AUTS2: variants seen among roughly 807,000 people sequenced by gnomAD.
AUTS2 encodes the protein autism susceptibility gene 2 protein.
In AUTS2, 17 loss-of-function variants were observed where a neutral mutation model predicts 112.4. The ratio of observed to expected loss-of-function variants is 0.15; its 90% CI spans 0.10 to 0.23. The LOEUF is 0.23. Ranked by LOEUF, AUTS2 falls within the 10% of genes least tolerant of loss-of-function variation. AUTS2 has a pLI of 1.00. For missense variants in AUTS2, 1,510 were observed against 1,701.6 expected (o/e 0.89, Z 1.98); for synonymous variants, 751 against 702.7 (o/e 1.07, Z -1.09).
intron 1 of AUTS2, among the ~76,000 whole-genome samples, chr7:69,750,021 A>G (rs1446892685): frequency 1.3e-5 from 2 of 152,222 alleles, no homozygotes; most frequent in Non-Finnish European, 2.9e-5. Flanking sequence ...GGAAAAGTTT[A>G]CAAGGAATCT....
At chr7:69,830,763 G>C (rs974287793) in intron 1 of AUTS2, among the ~76,000 whole-genome samples, 1 of 152,150 alleles carries the variant, frequency 6.6e-6, no homozygotes, top group Non-Finnish European at 1.5e-5. Context: ...CACTTAAATC[G>C]TTTTCTTTGG....
At position 70,790,097 on chromosome 7, in the gene AUTS2, G is replaced by A; in HGVS notation, c.2881G>A (p.Glu961Lys). 1.9e-6 allele frequency: 3 copies of A among 1,587,142 alleles called. No homozygotes were observed. Among genetic ancestry groups the A allele is most frequent in the South Asian group, 1.1e-5 (1 of 87,976 alleles). ...SARPNSTSSR[E>K]AEPRKGEPAY... ...CAGGCCCAACAGCACCTCGAGCCGGGAGGCCGAGCCGCGCAAGGGTGAGCC... is the reference window on the plus strand; with the variant it reads ...CAGGCCCAACAGCACCTCGAGCCGGAAGGCCGAGCCGCGCAAGGGTGAGCC... Residue 961 changes from glutamate to lysine, a missense_variant, in exon 19 of 19, where the codon GAG becomes AAG. Coordinates refer to ENST00000342771, the MANE Select transcript of AUTS2 (RefSeq NM_015570.4). This position sits in a 1 kb window ranked among gnomAD's most constrained non-coding sequence, Gnocchi z 7.6.
At chr7:70,513,665 C>T (rs1799296768) in intron 5 of AUTS2, among the ~76,000 whole-genome samples, 1 of 148,800 alleles carries the variant, frequency 6.7e-6, no homozygotes, top group African/African-American at 2.5e-5. Flanking sequence ...TTTTCTGTTT[C>T]CTTTTTTTTT....
At chr7:70,262,696 A>G (rs1242705474) in intron 4 of AUTS2, among the ~76,000 whole-genome samples, 1 of 152,226 alleles carries the variant, frequency 6.6e-6, no homozygotes, top group Non-Finnish European at 1.5e-5. Flanking sequence ...CATTGCCAAA[A>G]AATGTAAAAA....
chr7:69,787,035 G>A (rs943268571), intron 1 of AUTS2, among the ~76,000 whole-genome samples: 2 of 152,176 alleles, frequency 1.3e-5, no homozygotes, highest in Non-Finnish European at 2.9e-5. Flanking sequence ...GGTTAAGGAC[G>A]TTGCCTACTA....
chr7:70,717,756 C>T (rs1398515635), intron 6 of AUTS2, among the ~76,000 whole-genome samples: 1 of 152,198 alleles, frequency 6.6e-6, no homozygotes, highest in African/African-American at 2.4e-5. Context: ...TGCCAGTCAG[C>T]CTCAGGGGCG....
At chr7:70,514,614 G>A (rs1015748440) in intron 5 of AUTS2, among the ~76,000 whole-genome samples, 7 of 152,320 alleles carry the variant, frequency 4.6e-5, no homozygotes, top group South Asian at 2.1e-4. Flanking sequence ...ACTAGGCCCC[G>A]CCTCCAACAC....
In AUTS2 at chr7:70,099,897, C is replaced by T. The variant is rs187453441; in HGVS notation, c.523-18235C>T. Among the ~76,000 whole-genome samples the T allele has an allele frequency of 8.6e-3, 1,315 of 152,150 alleles. 11 individuals are homozygous for T. The highest frequency in any genetic ancestry group is 0.02 in the Middle Eastern group (6 of 294). ...TACAGTATTTACTCTTCAGTTTTTA[C>T]ATATATATCCATACCTCTGATTTGT... On this transcript the variant is annotated intron_variant, in intron 2 of 18. Coordinates refer to ENST00000342771, the MANE Select transcript of AUTS2 (RefSeq NM_015570.4).
intron 1 of AUTS2, among the ~76,000 whole-genome samples, chr7:69,697,336 C>G (rs1797602694): frequency 6.6e-6 from 1 of 152,214 alleles, no homozygotes; most frequent in Non-Finnish European, 1.5e-5. Flanking sequence ...TAGACATCCA[C>G]CAAATATTTA....
At chr7:70,788,021 G>A (rs1285160642) in intron 18 of AUTS2, among the ~76,000 whole-genome samples, 3 of 151,972 alleles carry the variant, frequency 2.0e-5, no homozygotes, top group East Asian at 1.9e-4. Context: ...TTTGTTAACC[G>A]TTGTCTCTGC....
intron 1 of AUTS2, among the ~76,000 whole-genome samples, chr7:69,607,149 T>G (rs1227610410): frequency 3.3e-5 from 5 of 152,234 alleles, no homozygotes; most frequent in African/African-American, 4.8e-5. Context: ...TACAGGCTTC[T>G]GTGTCTTAGT....
chr7:70,452,840 C>T (rs1249412266), intron 5 of AUTS2, among the ~76,000 whole-genome samples: 2 of 152,150 alleles, frequency 1.3e-5, no homozygotes, highest in African/African-American at 4.8e-5. Context: ...ACAGCAAAGA[C>T]AGCCTTTATA....
chr7:70,621,600 G>A (rs912365477), intron 5 of AUTS2, among the ~76,000 whole-genome samples: 1 of 152,138 alleles, frequency 6.6e-6, no homozygotes, highest in Non-Finnish European at 1.5e-5. Flanking sequence ...TGGGAGGGTA[G>A]GAGGTAAGGA....
chr7:70,347,752 G>C (rs1210057781), intron 4 of AUTS2, among the ~76,000 whole-genome samples: 1 of 152,114 alleles, frequency 6.6e-6, no homozygotes, highest in Non-Finnish European at 1.5e-5. Context: ...GCAGGGCTTT[G>C]CACAGTCCCC....
chr7:70,241,128 C>T (rs1429121313), intron 4 of AUTS2, among the ~76,000 whole-genome samples: 6 of 152,140 alleles, frequency 3.9e-5, no homozygotes, highest in Non-Finnish European at 7.3e-5. Flanking sequence ...GATTCATGGT[C>T]CTGCCTGAAA....
intron 5 of AUTS2, among the ~76,000 whole-genome samples, chr7:70,689,812 A>C (rs893737082): frequency 3.4e-5 from 5 of 148,482 alleles, no homozygotes; most frequent in Admixed American, 6.7e-5. Context: ...GTCGTTCCCT[A>C]GTAGAGATGG....
intron 4 of AUTS2, among the ~76,000 whole-genome samples, chr7:70,198,570 C>A (rs1321470903): frequency 3.3e-5 from 4 of 121,274 alleles, no homozygotes; most frequent in African/African-American, 1.3e-4. Flanking sequence ...CCGATGCGAT[C>A]AACTGGAAGA....
intron 5 of AUTS2, among the ~76,000 whole-genome samples, chr7:70,623,108 G>C (rs914658803): frequency 1.3e-5 from 2 of 152,166 alleles, no homozygotes; most frequent in African/African-American, 2.4e-5. Flanking sequence ...GAATGGCTTC[G>C]GGAAGCATTT....
At chr7:70,643,969 A>G (rs1354459240) in intron 5 of AUTS2, among the ~76,000 whole-genome samples, 2 of 151,560 alleles carry the variant, frequency 1.3e-5, no homozygotes, top group African/African-American at 2.4e-5. Flanking sequence ...CACCTACCAT[A>G]TCTGTGCTGC....
Sources: allele counts gnomAD v4.1 joint callset (sites outside exome capture counted in the v4.1 genomes callset), GRCh38; gene constraint gnomAD v4.1.1; non-coding constraint Gnocchi (gnomAD v3.1); transcripts MANE v1.5; gene names NCBI Gene and HGNC (gene_info 2026-07-23, HGNC 2026-07-21).